Variants in ADGRV1 observed in about 807,000 individuals in gnomAD.
The protein encoded by ADGRV1 is adhesion G protein-coupled receptor V1, also known as G-protein coupled receptor 98.
A neutral mutation model predicts 596.2 loss-of-function variants in ADGRV1; 359 were observed. That is an observed-to-expected ratio of 0.60 (90% CI 0.55 to 0.66). ADGRV1 has a LOEUF of 0.66. Ranked by LOEUF, ADGRV1 falls within the 30% of genes least tolerant of loss-of-function variation. The pLI is 0.00. For missense variants in ADGRV1, 7,274 were observed against 7,575.6 expected (o/e 0.96, Z 1.48); for synonymous variants, 2,681 against 2,679.2 (o/e 1.00, Z -0.02).
chr5:91,121,206 G>T (rs1793289139), intron 87 of ADGRV1, among the ~76,000 whole-genome samples: 1 of 152,098 alleles, frequency 6.6e-6, no homozygotes, highest in South Asian at 2.1e-4. Context: ...GTACAGAGTA[G>T]AATGGGGAGT....
At chr5:90,711,504 A>T (rs1416335032) in intron 41 of ADGRV1, among the ~76,000 whole-genome samples, 182 bp downstream of exon 41, 3 of 152,216 alleles carry the variant, frequency 2.0e-5, no homozygotes, top group African/African-American at 7.2e-5. Context: ...CTATTTTAGT[A>T]AATATAAATT....
rs1767342338 is a variant in ADGRV1, at chr5:90,643,938, C to T, written c.2689C>T (p.Leu897=). The T allele has an allele frequency of 1.2e-6, 2 of 1,611,738 alleles. No individual in the cohort carries two copies. Among genetic ancestry groups the T allele is most frequent in the South Asian group, 2.2e-5 (2 of 90,864 alleles). Residue 897 remains leucine (L), a synonymous_variant, in exon 14 of 90, where the codon CTA becomes TTA. Transcript: ENST00000405460. ...CATTATAGAATTTGTTTCTGATGGT[C>T]TAATTGTGATGATAAATGAAAGCAA... ...HGIIEFVSDG[L]IVMINESKGD... is the part of the protein sequence containing the mutation.
At position 90,848,707 on chromosome 5, in the gene ADGRV1, C is replaced by G. The variant is rs745712471; in HGVS notation, c.17090C>G (p.Ser5697Cys). The change falls in exon 79 of 90, where the codon TCT becomes TGT. Residue 5697 changes from serine to cysteine, a missense_variant. Physicochemically the swap from Ser to Cys is moderately radical, Grantham distance 112 (BLOSUM62 -1). This residue lies in a region of ADGRV1 where 1,874 missense variants were observed against 1,970.2 expected (regional missense o/e 0.95). Transcript: ENST00000405460. ...SRTLFYEILC[S>C]LINPKRKDTR... ...ACTCTTTTCTATGAGATTCTTTGTT[C>G]TCTTATTAACCCAAAGCGCAAGGAC... is the stretch of plus-strand genomic sequence containing the variant. 2 of 1,584,640 alleles carry G rather than the reference C, an allele frequency of 1.3e-6. No homozygotes were observed. The highest frequency in any genetic ancestry group is 1.7e-6 in the Non-Finnish European group (2 of 1,168,402).
intron 27 of ADGRV1, among the ~76,000 whole-genome samples, chr5:90,683,317 C>G (rs75880085): frequency 0.015 from 2,209 of 152,078 alleles, 31 homozygotes; most frequent in East Asian, 0.073. Context: ...CTCCAGGGAC[C>G]CTTCTGTCTC....
chr5:90,696,562 C>T (rs184429887), intron 33 of ADGRV1, among the ~76,000 whole-genome samples: 2 of 152,152 alleles, frequency 1.3e-5, no homozygotes, highest in East Asian at 1.9e-4. Context: ...AATGAGACTC[C>T]ACTTTCCTAA....
rs75397269 is a variant in ADGRV1 at position 90,672,966 on chromosome 5, A to G, written c.4929+244A>G. The G allele has an allele frequency of 8.6e-3, 3,541 of 410,692 alleles. 27 individuals carry two copies. The highest frequency in any genetic ancestry group is 0.012 in the Middle Eastern group (19 of 1,610). The allele number at this position is 410,692 out of a possible 1,614,324, so 25.4% of individuals were successfully genotyped here. ...TCATGACATTTTTGCGTTGGATTTT[A>G]AGTGATTTCCTATGGATCTGTCTCC... is the stretch of plus-strand genomic sequence containing the variant. On this transcript the variant is annotated intron_variant, in intron 22 of 89. Coordinates refer to ENST00000405460, the MANE Select transcript of ADGRV1 (RefSeq NM_032119.4).
chr5:90,925,676 G>C (rs1273569659), intron 83 of ADGRV1, among the ~76,000 whole-genome samples: 1 of 144,470 alleles, frequency 6.9e-6, no homozygotes, highest in African/African-American at 2.6e-5. Flanking sequence ...ATGTTGAATA[G>C]GAGTGGTGAG....
intron 83 of ADGRV1, among the ~76,000 whole-genome samples, chr5:90,944,664 G>A (rs547177154): frequency 1.4e-4 from 22 of 152,160 alleles, no homozygotes; most frequent in East Asian, 9.6e-4. Context: ...TTCTCCCATA[G>A]GAGTATAATA....
At chr5:90,602,381 G>A (rs1263039952) in intron 1 of ADGRV1, among the ~76,000 whole-genome samples, 1 of 152,164 alleles carries the variant, frequency 6.6e-6, no homozygotes, top group Non-Finnish European at 1.5e-5. Context: ...TTGCAGTGGA[G>A]CACCCTGACA....
At chr5:90,616,488 C>G (rs559268330) in intron 2 of ADGRV1, among the ~76,000 whole-genome samples, 1 of 152,210 alleles carries the variant, frequency 6.6e-6, no homozygotes, top group African/African-American at 2.4e-5. Flanking sequence ...TGGGAAAGAG[C>G]AGTTTCTTTG....
chr5:90,585,008 G>A (rs893918411), intron 1 of ADGRV1, among the ~76,000 whole-genome samples: 1 of 152,182 alleles, frequency 6.6e-6, no homozygotes, highest in Non-Finnish European at 1.5e-5. Context: ...ATTTGACAGA[G>A]GATGTGGTTT....
intron 83 of ADGRV1, among the ~76,000 whole-genome samples, chr5:90,875,873 T>G (rs893196699): frequency 1.1e-4 from 17 of 152,330 alleles, no homozygotes; most frequent in African/African-American, 3.6e-4. Flanking sequence ...TAATAACTAA[T>G]TGTAAAAGCT....
Position 90,603,672 on chromosome 5 carries a change from T to C in ADGRV1, c.23-11163T>C, listed in dbSNP as rs187883351. Among the ~76,000 whole-genome samples the C allele has an allele frequency of 2.6e-3, 391 of 152,134 alleles. 2 individuals are homozygous for C. Among genetic ancestry groups the C allele is most frequent in the African/African-American group, 8.4e-3 (347 of 41,526 alleles). ...CAGAGACTAGATTGGAGCCCAAAGCTGAGTGGAATCAATGCTTGCCTCCTG... is the reference window on the plus strand; with the variant it reads ...CAGAGACTAGATTGGAGCCCAAAGCCGAGTGGAATCAATGCTTGCCTCCTG... On this transcript the variant is annotated intron_variant, in intron 1 of 89. Transcript: ENST00000405460.
intron 41 of ADGRV1, 103 bp from the exon 42 acceptor site, chr5:90,712,184 T>A (rs1320010032): frequency 1.5e-6 from 1 of 651,120 alleles, no homozygotes; most frequent in Non-Finnish European, 2.4e-6. Flanking sequence ...TAAAATAGCT[T>A]ATTCTTTACA....
At chr5:90,802,346 G>T (rs2150187388) in intron 70 of ADGRV1, among the ~76,000 whole-genome samples, 1 of 152,248 alleles carries the variant, frequency 6.6e-6, no homozygotes, top group Non-Finnish European at 1.5e-5. Context: ...CTCCCAAGTA[G>T]CTGGGACCAC....
intron 78 of ADGRV1, among the ~76,000 whole-genome samples, chr5:90,844,440 G>C (rs1765685937): frequency 6.6e-6 from 1 of 152,138 alleles, no homozygotes; most frequent in Admixed American, 6.5e-5. Flanking sequence ...AGCTTTAAAT[G>C]CCTCACTATA....
chr5:90,636,355 A>G (rs1049209160), intron 10 of ADGRV1, among the ~76,000 whole-genome samples: 5 of 152,220 alleles, frequency 3.3e-5, no homozygotes, highest in Non-Finnish European at 2.9e-5. Context: ...ATGTTAAAAT[A>G]TGGTGACCTC....
At chr5:91,043,483 T>C (rs1785536592) in intron 85 of ADGRV1, among the ~76,000 whole-genome samples, 1 of 152,080 alleles carries the variant, frequency 6.6e-6, no homozygotes, top group Non-Finnish European at 1.5e-5. Context: ...TGCACAGTGG[T>C]TAGAGCACAG....
At chr5:91,079,223 T>C (rs1224741776) in intron 86 of ADGRV1, among the ~76,000 whole-genome samples, 1 of 152,194 alleles carries the variant, frequency 6.6e-6, no homozygotes, top group Non-Finnish European at 1.5e-5. Context: ...AACAATGCCT[T>C]GGGGCCTAAG....
Sources: allele counts gnomAD v4.1 joint callset (sites outside exome capture counted in the v4.1 genomes callset), GRCh38; gene constraint gnomAD v4.1.1; regional missense constraint gnomAD v4.1.1; transcripts MANE v1.5; gene names NCBI Gene and HGNC (gene_info 2026-07-23, HGNC 2026-07-21).